The following CACNA1D variants were observed in gnomAD, a reference collection of about 807,000 sequenced individuals.
CACNA1D encodes calcium voltage-gated channel subunit alpha1 D, also known as voltage-dependent L-type calcium channel subunit alpha-1D.
In CACNA1D, 55 loss-of-function variants were observed where a neutral mutation model predicts 257.1. The observed-to-expected ratio is 0.21, with a 90% CI of 0.17 to 0.27. The LOEUF (loss-of-function observed/expected upper bound fraction) is 0.27. Ranked by LOEUF, CACNA1D falls within the 10% of genes least tolerant of loss-of-function variation. The pLI is 1.00. For missense variants in CACNA1D, 1,876 were observed against 2,784.0 expected, an observed-to-expected ratio of 0.67 and a Z score of 7.34; for synonymous variants, 980 against 1,014.9, an observed-to-expected ratio of 0.97 and a Z score of 0.65.
intron 14 of CACNA1D, among the ~76,000 whole-genome samples, chr3:53,724,948 G>A (rs2094919777): frequency 6.6e-6 from 1 of 150,700 alleles, no homozygotes; most frequent in Non-Finnish European, 1.5e-5. Context: ...CTTAAATTTT[G>A]GCTGCTGATC....
At position 53,776,674 on chromosome 3, in the gene CACNA1D, G is replaced by A. The variant is rs746177599; in HGVS notation, c.4434G>A (p.Gly1478=). The change falls in exon 36 of 48, where the codon GGG becomes GGA. Residue 1478 remains glycine, a synonymous_variant. Transcript: ENST00000350061. Reference sequence around the variant, plus strand: ...TGACCCGGGACTGGTCTATTTTGGGGCCTCACCATTTAGATGAATTCAAAA... The same window carrying A: ...TGACCCGGGACTGGTCTATTTTGGGACCTCACCATTTAGATGAATTCAAAA... The part of the protein sequence containing the change: ...DYLTRDWSIL[G]PHHLDEFKRI... The A allele has an allele frequency of 6.2e-6, 10 of 1,614,066 alleles. No homozygotes were observed. Among genetic ancestry groups the A allele is most frequent in the South Asian group, 1.1e-5 (1 of 91,090 alleles).
At chr3:53,727,980 T>C (rs1369345555) in intron 15 of CACNA1D, among the ~76,000 whole-genome samples, 3 of 152,174 alleles carry the variant, frequency 2.0e-5, no homozygotes. Context: ...TACATCCTTG[T>C]AGTCCCTTGA....
At chr3:53,701,520 C>T (rs1171477241) in intron 8 of CACNA1D, among the ~76,000 whole-genome samples, 1 of 152,140 alleles carries the variant, frequency 6.6e-6, no homozygotes, top group Non-Finnish European at 1.5e-5. Flanking sequence ...AGGTAGGACC[C>T]TGAAAGAGAC....
intron 3 of CACNA1D, among the ~76,000 whole-genome samples, chr3:53,555,597 C>G (rs764100936): frequency 1.3e-5 from 2 of 151,070 alleles, no homozygotes; most frequent in Non-Finnish European, 2.9e-5. Context: ...GCTATATTGG[C>G]ACATGTCTTT....
At chr3:53,770,073 C>A in intron 31 of CACNA1D, 56 bp downstream of exon 31, 2 of 1,397,488 alleles carry the variant, frequency 1.4e-6, no homozygotes, top group Non-Finnish European at 2.0e-6. Context: ...TTTATTTGAC[C>A]ATGTCGAGTT....
At chr3:53,650,740 C>G (rs376541461) in intron 3 of CACNA1D, 39 bp from the exon 4 acceptor site, 1 of 1,610,594 alleles carries the variant, frequency 6.2e-7, no homozygotes, top group African/African-American at 1.3e-5. Context: ...CCTCCCCTGC[C>G]CCTGCTTTTT....
intron 40 of CACNA1D, among the ~76,000 whole-genome samples, chr3:53,787,425 C>CTGTG (rs3217446): frequency 0.024 from 3,221 of 136,208 alleles, 133 homozygotes; most frequent in African/African-American, 0.081. Flanking sequence ...AGTATGTATT[C>CTGTG]TGTGTGTGTG....
intron 20 of CACNA1D, among the ~76,000 whole-genome samples, chr3:53,739,201 C>T (rs1399666401): frequency 6.6e-6 from 1 of 152,254 alleles, no homozygotes. Flanking sequence ...CTCTGCAGTG[C>T]CTGTGACTAG....
intron 39 of CACNA1D, among the ~76,000 whole-genome samples, chr3:53,784,771 T>C (rs989834391): frequency 6.6e-6 from 1 of 152,182 alleles, no homozygotes; most frequent in Non-Finnish European, 1.5e-5. Context: ...CAACAGCGTG[T>C]CCACTTTTTG....
Position 53,711,825 on chromosome 3 carries a change from G to T in CACNA1D, c.1391-6476G>T, listed in dbSNP as rs142475030. 3.1e-4 allele frequency among the ~76,000 whole-genome samples: 47 copies of T among 152,354 alleles called. No homozygotes were observed. In the East Asian group the frequency reaches 6.4e-3, roughly 21 times the overall value. The stretch of plus-strand genomic sequence containing the variant: ...ATCAGATATAAGCCCTTGTCATTCA[G>T]CACGTTGTGGACCCCAAAGGAGGGA... On this transcript the variant is annotated intron_variant, in intron 9 of 47. Transcript: ENST00000350061.
chr3:53,770,318 A>G (rs1481552307), intron 31 of CACNA1D, 106 bp from the exon 32 acceptor site: 8 of 1,082,046 alleles, frequency 7.4e-6, no homozygotes, highest in Non-Finnish European at 1.0e-5. Context: ...CTAGAATCAC[A>G]TCTTCAGTTC....
At chr3:53,680,622 A>G (rs1200224686) in intron 8 of CACNA1D, among the ~76,000 whole-genome samples, 1 of 152,234 alleles carries the variant, frequency 6.6e-6, no homozygotes, top group East Asian at 1.9e-4. Context: ...TTTCATGCAC[A>G]GACCCAGCTC....
intron 3 of CACNA1D, among the ~76,000 whole-genome samples, chr3:53,640,337 A>C (rs897471806): frequency 6.6e-6 from 1 of 152,224 alleles, no homozygotes; most frequent in African/African-American, 2.4e-5. Flanking sequence ...CATGGTTTAG[A>C]AATAAAGCAT....
intron 3 of CACNA1D, among the ~76,000 whole-genome samples, chr3:53,519,767 A>G (rs1018047734): frequency 7.9e-5 from 12 of 152,108 alleles, no homozygotes; most frequent in Admixed American, 2.0e-4. Flanking sequence ...TCATCACCCA[A>G]AGAAACCCCA....
At chr3:53,571,604 G>A (rs1575919276) in intron 3 of CACNA1D, among the ~76,000 whole-genome samples, 1 of 152,122 alleles carries the variant, frequency 6.6e-6, no homozygotes, top group African/African-American at 2.4e-5. Context: ...GATAGAGGTG[G>A]GGGAGCTGGA....
chr3:53,718,366 C>T lies in CACNA1D; in HGVS notation c.1456C>T (p.Arg486Ter), dbSNP rs372337098. Residue 486 changes from arginine to a stop codon, truncating the protein, a stop_gained, in exon 10 of 48, where the codon CGA becomes TGA. Coordinates refer to ENST00000350061, the MANE Select transcript of CACNA1D (RefSeq NM_001128840.3). LOFTEE classifies it high-confidence loss of function. ...TENVSGEGEN[R>*]GCCGSLCQAI... ...GAACGTCAGCGGTGAAGGCGAGAAC[C>T]GAGGCTGCTGTGGAAGTCTCTGGTG... is the stretch of plus-strand genomic sequence containing the variant. 3 of 1,613,964 alleles carry T rather than the reference C, an allele frequency of 1.9e-6. No individual in the cohort carries two copies. Among genetic ancestry groups the T allele is most frequent in the Non-Finnish European group, 2.5e-6 (3 of 1,179,940 alleles).
chr3:53,679,688 G>C (rs899798734), intron 8 of CACNA1D: 1 of 152,202 alleles, frequency 6.6e-6, no homozygotes, highest in Non-Finnish European at 1.5e-5. Context: ...GAATGCTAAA[G>C]ACACCCTTAA....
rs896916624 is a variant in CACNA1D at position 53,751,569 on chromosome 3, C to G, written c.3517-180C>G. Among the ~76,000 whole-genome samples, 3 of 152,146 alleles carry G rather than the reference C, an allele frequency of 2.0e-5. No homozygotes were observed. Among genetic ancestry groups the G allele is most frequent in the Non-Finnish European group, 4.4e-5 (3 of 68,042 alleles). On this transcript the variant is annotated intron_variant, in intron 27 of 47. Transcript: ENST00000350061. This position sits in a 1 kb window ranked among gnomAD's most constrained non-coding sequence, Gnocchi z 4.3. ...TCAGCGAAGGTAATGGAGGCAGGGC[C>G]CTCGGTGACTCAAGAGTGGTGCCAG...
intron 3 of CACNA1D, among the ~76,000 whole-genome samples, chr3:53,592,438 C>T (rs1436045454): frequency 6.6e-6 from 1 of 152,012 alleles, no homozygotes; most frequent in African/African-American, 2.4e-5. Flanking sequence ...TTCTAGGAAC[C>T]CCCTAAAAGG....
Sources: allele counts gnomAD v4.1 joint callset (sites outside exome capture counted in the v4.1 genomes callset), GRCh38; gene constraint gnomAD v4.1.1; non-coding constraint Gnocchi (gnomAD v3.1); transcripts MANE v1.5; gene names NCBI Gene and HGNC (gene_info 2026-07-23, HGNC 2026-07-21).